The following FIBCD1 variants were observed in gnomAD, a reference collection of about 807,000 sequenced individuals.
The protein encoded by FIBCD1 is fibrinogen C domain containing 1.
A neutral mutation model predicts 45.1 loss-of-function variants in FIBCD1; 47 were observed. That is an observed-to-expected ratio of 1.04 (90% CI 0.82 to 1.33). FIBCD1 has a LOEUF of 1.33. Among genes scored for constraint, FIBCD1 ranks in the 40% most tolerant of loss-of-function variants. FIBCD1 has a pLI of 0.00. For synonymous variants in FIBCD1, 313 were observed against 308.1 expected (o/e 1.02, Z -0.17); for missense variants, 653 against 682.2 (o/e 0.96, Z 0.48).
rs1025147623 is a variant in FIBCD1 at position 130,924,263 on chromosome 9, C to G, written c.686G>C (p.Gly229Ala). The G allele has an allele frequency of 2.5e-6, 4 of 1,599,222 alleles. No homozygotes were observed. Among genetic ancestry groups the G allele is most frequent in the Non-Finnish European group, 2.6e-6 (3 of 1,174,430 alleles). Residue 229 changes from glycine to alanine, a missense_variant, in exon 3 of 7, where the codon GGA (glycine) becomes GCA (alanine). Physicochemically the swap from Gly to Ala is moderately conservative, Grantham distance 60. Transcript: ENST00000372338. ...AGTGGCACAGCCCCGGGGCCGGGTT[C>G]CCCGGGCAGGCGCTCTCTGAAGGTC... Reference protein sequence around the residue: ...KADLQRAPARGTRPRGCATGS... With the variant: ...KADLQRAPARATRPRGCATGS...
At chr9:130,921,361 CG>C (rs1355558501) in intron 4 of FIBCD1, among the ~76,000 whole-genome samples, 2 of 152,210 alleles carry the variant, frequency 1.3e-5, no homozygotes, top group Non-Finnish European at 2.9e-5. Context: ...TTCCATGTGG[CG>C]GGGGGTGATC....
upstream of FIBCD1, among the ~76,000 whole-genome samples, chr9:130,939,738 G>A (rs1044063752): frequency 1.3e-5 from 2 of 151,814 alleles, no homozygotes; most frequent in African/African-American, 2.4e-5. Context: ...GAGGGGATTT[G>A]TGCCAGGAGG....
intron 4 of FIBCD1, among the ~76,000 whole-genome samples, chr9:130,921,838 A>C (rs892400494): frequency 2.0e-5 from 3 of 152,246 alleles, no homozygotes; most frequent in African/African-American, 7.2e-5. Context: ...ACGCAGCTCC[A>C]GTACATTTTT....
chr9:130,911,712 G>A (rs918923861), intron 5 of FIBCD1, 80 bp downstream of exon 5: 6 of 1,320,134 alleles, frequency 4.5e-6, no homozygotes, highest in African/African-American at 1.5e-5. Context: ...AACCCATTCA[G>A]GGAGCAGCTG....
At chr9:130,923,920 C>G (rs748396750) in intron 3 of FIBCD1, 40 bp from the exon 4 acceptor site, 1 of 1,610,496 alleles carries the variant, frequency 6.2e-7, no homozygotes, top group Non-Finnish European at 8.5e-7. Flanking sequence ...GCGGCCCCAG[C>G]ACGTTCCTGC....
Position 130,904,054 on chromosome 9 carries a change from G to T in FIBCD1, c.*10C>A. The T allele has an allele frequency of 6.2e-7, 1 of 1,611,336 alleles. No homozygotes were observed. Among genetic ancestry groups the T allele is most frequent in the Non-Finnish European group, 8.5e-7 (1 of 1,179,450 alleles). ...AGGGACCAGCAGGGCCAAGGACAAG[G>T]TGCACCAGTCTAGCGGTCCTCCCGG... On this transcript the variant is annotated 3_prime_UTR_variant, in exon 7 of 7. Coordinates refer to ENST00000372338, the MANE Select transcript of FIBCD1 (RefSeq NM_032843.5).
chr9:130,922,572 T>C lies in FIBCD1; in HGVS notation c.849+1172A>G, dbSNP rs3893332. 0.26 allele frequency among the ~76,000 whole-genome samples: 39,939 copies of C among 151,876 alleles called. 5,895 individuals carry two copies. Among genetic ancestry groups the C allele is most frequent in the East Asian group, 0.54 (2,754 of 5,144 alleles). On this transcript the variant is annotated intron_variant, in intron 4 of 6. Transcript: ENST00000372338. The surrounding 1 kb of genome is among the most constrained non-coding windows in gnomAD (Gnocchi z 4.5). Reference sequence around the variant, plus strand: ...CTCCAGGCTCCCCGCCTCTCTGACATCTGCTGTCGGGGTCCCATCATAGAC... The same window carrying C: ...CTCCAGGCTCCCCGCCTCTCTGACACCTGCTGTCGGGGTCCCATCATAGAC...
chr9:130,920,869 G>A (rs1056105785), intron 4 of FIBCD1, among the ~76,000 whole-genome samples: 1 of 152,232 alleles, frequency 6.6e-6, no homozygotes, highest in African/African-American at 2.4e-5. Flanking sequence ...CAGGCTGGGA[G>A]CCCGCTGAGC....
intron 1 of FIBCD1, chr9:130,936,481 C>G (rs1832522175): frequency 6.6e-6 from 1 of 152,328 alleles, no homozygotes. Context: ...CTTGGAGCAA[C>G]AGCCCTCGAG....
intron 5 of FIBCD1, among the ~76,000 whole-genome samples, chr9:130,910,117 G>T (rs1832010134): frequency 6.6e-6 from 1 of 152,242 alleles, no homozygotes; most frequent in South Asian, 2.1e-4. Flanking sequence ...AGGGAGGGGT[G>T]GAGGGAGAGG....
rs74883163 is a variant in FIBCD1 at position 130,912,852 on chromosome 9, C to T, written c.850-964G>A. On this transcript the variant is annotated intron_variant, in intron 4 of 6. Transcript: ENST00000372338. ...TTTTCCAGGTCAAAACAAAACTGAC[C>T]AAGTCTATCCTCCAGTTTTTAAGAA... Among the ~76,000 whole-genome samples, 124 of 152,002 alleles carry T rather than the reference C, an allele frequency of 8.2e-4. 1 individual carries two copies. In the East Asian group the frequency reaches 0.022, roughly 27 times the overall value.
At chr9:130,919,915 G>A (rs960239189) in intron 4 of FIBCD1, among the ~76,000 whole-genome samples, 8 of 152,206 alleles carry the variant, frequency 5.3e-5, no homozygotes, top group Non-Finnish European at 8.8e-5. Flanking sequence ...AGTCAGGCCT[G>A]GGGGGCAGCA....
intron 2 of FIBCD1, among the ~76,000 whole-genome samples, chr9:130,927,648 T>C (rs1418900238): frequency 1.3e-5 from 2 of 152,072 alleles, no homozygotes; most frequent in Non-Finnish European, 2.9e-5. Context: ...CTGCAGGGGG[T>C]TGGGGATGAG....
chr9:130,925,920 C>T (rs745517309), intron 2 of FIBCD1, among the ~76,000 whole-genome samples: 7 of 152,212 alleles, frequency 4.6e-5, no homozygotes, highest in Non-Finnish European at 8.8e-5. Context: ...ATATGATTCC[C>T]GGCTCGTCCA....
At chr9:130,906,773 G>A (rs956407873) in intron 5 of FIBCD1, among the ~76,000 whole-genome samples, 11 of 152,218 alleles carry the variant, frequency 7.2e-5, no homozygotes, top group African/African-American at 1.4e-4. Context: ...GCCCAGCACC[G>A]TTCTCAGCCC....
chr9:130,940,194 C>T (rs970273607), upstream of FIBCD1, among the ~76,000 whole-genome samples: 1 of 152,210 alleles, frequency 6.6e-6, no homozygotes, highest in Admixed American at 6.5e-5. Context: ...GGGGTGGGGG[C>T]CGCGTCCAGC....
intron 5 of FIBCD1, among the ~76,000 whole-genome samples, chr9:130,910,115 G>T (rs1832010044): frequency 6.6e-6 from 1 of 152,252 alleles, no homozygotes; most frequent in Admixed American, 6.5e-5. Context: ...GCAGGGAGGG[G>T]TGGAGGGAGA....
At position 130,929,211 on chromosome 9, in the gene FIBCD1, C is replaced by T. The variant is rs1032306129; in HGVS notation, c.552+356G>A. Among the ~76,000 whole-genome samples, 3 of 152,138 alleles carry T rather than the reference C, an allele frequency of 2.0e-5. No homozygotes were observed. The East Asian group carries it at 5.8e-4, about 29-fold the overall frequency. ...AGCAAGTCGCATCCCCTCTCTGAGC[C>T]TCGATTTGCTCCTGATGGGGGAATG... On this transcript the variant is annotated intron_variant, in intron 2 of 6. Transcript: ENST00000372338.
intron 4 of FIBCD1, among the ~76,000 whole-genome samples, chr9:130,918,956 T>C (rs1245684680): frequency 2.0e-5 from 3 of 152,200 alleles, no homozygotes; most frequent in African/African-American, 7.2e-5. Context: ...CCACCCTCCC[T>C]GCAGAGCCAG....
Sources: gnomAD v4.1 joint callset for allele counts (sites outside exome capture counted in the v4.1 genomes callset) on GRCh38, gnomAD v4.1.1 for gene constraint, Gnocchi (gnomAD v3.1) non-coding constraint, MANE v1.5 for transcripts, NCBI Gene and HGNC (gene_info 2026-07-23, HGNC 2026-07-21) for gene names.